Variants in PIEZO1 observed in about 807,000 individuals in gnomAD.
PIEZO1 encodes the protein piezo-type mechanosensitive ion channel component 1.
PIEZO1 carries 296 observed loss-of-function variants against 297.2 expected under a neutral mutation model. The observed-to-expected ratio is 1.00, with a 90% confidence interval of 0.91 to 1.10. The LOEUF is 1.10. Among genes scored for constraint, PIEZO1 ranks in the 50% least tolerant of loss-of-function variants. PIEZO1 has a pLI of 0.00. For synonymous variants in PIEZO1, 2,427 were observed against 1,507.5 expected (o/e 1.61, Z -14.13); for missense variants, 5,018 against 3,455.5 (o/e 1.45, Z -11.34).
intron 15 of PIEZO1, 27 bp downstream of exon 15, chr16:88,734,623 T>A: frequency 6.5e-7 from 1 of 1,549,728 alleles, no homozygotes; most frequent in Non-Finnish European, 8.7e-7. Context: ...TCGGCGCCCC[T>A]GCCCCACCGC....
chr16:88,721,405 T>C lies in PIEZO1; in HGVS notation c.5429A>G (p.Glu1810Gly). ...GTCATGCTCCTTGGATGGTGAGTCC[T>C]CCTCATGGTCCCAGAGGCCATAGCA... is the stretch of plus-strand genomic sequence containing the variant. ...LLCYGLWDHE[E>G]DSPSKEHDKS... Residue 1810 changes from glutamate to glycine, a missense_variant, in exon 39 of 51, where the codon GAG becomes GGG. By Grantham distance (98) the Glu-to-Gly change is moderately conservative (BLOSUM62 -2). Coordinates refer to ENST00000301015, the MANE Select transcript of PIEZO1 (RefSeq NM_001142864.4). The C allele has an allele frequency of 6.5e-7, 1 of 1,549,696 alleles. No homozygotes were observed. Among genetic ancestry groups the C allele is most frequent in the Non-Finnish European group, 8.7e-7 (1 of 1,146,634 alleles).
chr16:88,721,010 G>A (rs1360445707), intron 39 of PIEZO1, among the ~76,000 whole-genome samples, 156 bp downstream of exon 39: 1 of 152,152 alleles, frequency 6.6e-6, no homozygotes, highest in African/African-American at 2.4e-5. Flanking sequence ...GGCTCTGTAG[G>A]CAGAGCCGGG....
chr16:88,784,967 C>G lies in PIEZO1; in HGVS notation c.-3G>C. On this transcript the variant is annotated 5_prime_UTR_variant, in exon 1 of 51. Transcript: ENST00000301015. ...GCGCCGAGCACGTGCGGCTCCATGG[C>G]TGGAGGGCCCAGGGCCCGGCCCAGA... The G allele has an allele frequency of 7.3e-7, 1 of 1,363,088 alleles. No individual in the cohort carries two copies. Among genetic ancestry groups the G allele is most frequent in the Non-Finnish European group, 9.5e-7 (1 of 1,048,758 alleles). The allele number at this position is 1,363,088 out of a possible 1,614,324, so 84.4% of individuals were successfully genotyped here. A position where few individuals can be genotyped will look rare whatever the true frequency, so the allele number is the denominator to read the frequency against.
chr16:88,722,576 C>A lies in PIEZO1; in HGVS notation c.4775+7G>T. ...GCAGCTGGGGCTCGGGTCACCCCCG[C>A]ACCTACCTGGACACGGTGCTTGGGG... On this transcript the variant is annotated splice_region_variant and intron_variant, in intron 35 of 50. Transcript: ENST00000301015. 1 of 1,521,688 alleles carries A rather than the reference C, an allele frequency of 6.6e-7. No individual in the cohort carries two copies. The allele number at this position is 1,521,688 out of a possible 1,614,324, so 94.3% of individuals were successfully genotyped here.
At chr16:88,764,278 C>T (rs544625205) in intron 1 of PIEZO1, among the ~76,000 whole-genome samples, 8 of 152,178 alleles carry the variant, frequency 5.3e-5, no homozygotes, top group Non-Finnish European at 1.0e-4. Context: ...CGTGGCAATG[C>T]CCTCCCGGCG....
chr16:88,720,787 G>C, intron 39 of PIEZO1, 39 bp from the exon 40 acceptor site: 2 of 1,452,566 alleles, frequency 1.4e-6, no homozygotes, highest in Non-Finnish European at 1.8e-6. Flanking sequence ...GCCCCCTGGG[G>C]ACTGGGCCTG....
chr16:88,752,955 G>T (rs1218617488), intron 1 of PIEZO1, among the ~76,000 whole-genome samples: 1 of 151,982 alleles, frequency 6.6e-6, no homozygotes, highest in African/African-American at 2.4e-5. Flanking sequence ...TTGGTCTAGG[G>T]TCCGGGGACA....
chr16:88,725,866 A>G (rs1348288566), intron 27 of PIEZO1, 182 bp from the exon 28 acceptor site: 3 of 602,368 alleles, frequency 5.0e-6, no homozygotes, highest in African/African-American at 3.7e-5. Context: ...CGGCGAGGAC[A>G]GGCCCTTCTG....
intron 27 of PIEZO1, 197 bp downstream of exon 27, chr16:88,726,087 C>A: frequency 1.7e-6 from 1 of 599,068 alleles, no homozygotes. Context: ...TGGTCTCTGA[C>A]AGACCCAGCA....
intron 1 of PIEZO1, among the ~76,000 whole-genome samples, chr16:88,770,172 C>T (rs1378949700): frequency 2.6e-5 from 4 of 152,166 alleles, no homozygotes; most frequent in Non-Finnish European, 5.9e-5. Context: ...TCCCAAGCCT[C>T]GGTCTGTCGG....
rs548951594 is a variant in PIEZO1 at position 88,733,449 on chromosome 16, C to T, written c.2493G>A (p.Ser831=). 25 of 1,548,148 alleles carry T rather than the reference C, an allele frequency of 1.6e-5. No homozygotes were observed. Among genetic ancestry groups the T allele is most frequent in the African/African-American group, 4.1e-5 (3 of 72,878 alleles). ...GCACCACCAGCAGCAGGTTCATCAC[C>T]GACACCTGAGGGCAGTGGGCACGTG... The part of the protein sequence containing the change: ...YTVWVALKEV[S]VMNLLLVVLW... The change falls in exon 19 of 51, where the codon TCG becomes TCA. Residue 831 remains serine, a synonymous_variant. Transcript: ENST00000301015.
chr16:88,735,809 CAGG>C (rs1905171323), intron 12 of PIEZO1, among the ~76,000 whole-genome samples: 1 of 152,246 alleles, frequency 6.6e-6, no homozygotes, highest in African/African-American at 2.4e-5. Context: ...CACACACTGT[CAGG>C]GGCGCAGGGG....
rs35742404 is a variant in PIEZO1 at position 88,734,475 on chromosome 16, G to A, written c.2061C>T (p.Pro687=). ...GGATGCAGGCCAGGAGGAAGAAGCCGGGCACCAGGATGCTGGAGAAGAGCT... is the reference window on the plus strand; with the variant it reads ...GGATGCAGGCCAGGAGGAAGAAGCCAGGCACCAGGATGCTGGAGAAGAGCT... The part of the protein sequence containing the change: ...VSELFSSILV[P]GFFLLACILQ... The change falls in exon 16 of 51, where the codon CCC becomes CCT. Residue 687 remains proline (P), a synonymous_variant. Coordinates refer to ENST00000301015, the MANE Select transcript of PIEZO1 (RefSeq NM_001142864.4). 34 of 1,549,628 alleles carry A rather than the reference G, an allele frequency of 2.2e-5. No homozygotes were observed. Among genetic ancestry groups the A allele is most frequent in the South Asian group, 1.5e-4 (13 of 84,040 alleles).
At chr16:88,716,518 G>A in intron 47 of PIEZO1, 35 bp from the exon 48 acceptor site, 6 of 1,537,900 alleles carry the variant, frequency 3.9e-6, no homozygotes, top group Non-Finnish European at 5.3e-6. Flanking sequence ...CCACTGTAGT[G>A]GGTCCACCCA....
chr16:88,733,865 A>AG (rs1905037939), intron 17 of PIEZO1, 41 bp downstream of exon 17: 1 of 1,470,562 alleles, frequency 6.8e-7, no homozygotes, highest in South Asian at 1.4e-5. Flanking sequence ...GACATGGCAC[A>AG]GCAGACTGGG....
chr16:88,732,538 G>A lies in PIEZO1; in HGVS notation c.2791-3C>T, dbSNP rs955746447. The stretch of plus-strand genomic sequence containing the variant: ...AGCAGCAGCACTTGCAGGTGGTTCT[G>A]CGGAGGGCAAGGGTCAGGGGGCAGC... On this transcript the variant is annotated splice_region_variant and splice_polypyrimidine_tract_variant and intron_variant, in intron 20 of 50. Transcript: ENST00000301015. 6.5e-7 allele frequency: 1 copy of A among 1,545,998 alleles called. No individual in the cohort carries two copies. Among genetic ancestry groups the A allele is most frequent in the South Asian group, 1.2e-5 (1 of 83,936 alleles).
intron 2 of PIEZO1, chr16:88,742,818 A>G: frequency 2.9e-6 from 1 of 341,646 alleles, no homozygotes; most frequent in Non-Finnish European, 5.8e-6. Context: ...TGGGGGCTGC[A>G]GGTGGATGGA....
In PIEZO1 at chr16:88,735,160, C is replaced by G. The variant is rs1038354021; in HGVS notation, c.1644G>C (p.Leu548=). ...CTGTGTCTGCCACGGTGACCTCCGT[C>G]AGCGCAGCTGGAGACTCTGCCCACT... is the stretch of plus-strand genomic sequence containing the variant. ...LLKWAESPAA[L]TEVTVADTEP... is the part of the protein sequence containing the mutation. Residue 548 remains leucine, a synonymous_variant, in exon 13 of 51, where the codon CTG becomes CTC. Coordinates refer to ENST00000301015, the MANE Select transcript of PIEZO1 (RefSeq NM_001142864.4). 2.6e-6 allele frequency: 4 copies of G among 1,550,216 alleles called. No individual in the cohort carries two copies. Among genetic ancestry groups the G allele is most frequent in the Middle Eastern group, 1.7e-4 (1 of 6,014 alleles).
At position 88,722,921 on chromosome 16, in the gene PIEZO1, C is replaced by A. The variant is rs1271299873; in HGVS notation, c.4584G>T (p.Trp1528Cys). 3 of 1,549,328 alleles carry A rather than the reference C, an allele frequency of 1.9e-6. No homozygotes were observed. Among genetic ancestry groups the A allele is most frequent in the East Asian group, 4.9e-5 (2 of 40,934 alleles). The change falls in exon 34 of 51, where the codon TGG becomes TGT. Residue 1528 changes from tryptophan (W) to cysteine (C), a missense_variant. Transcript: ENST00000301015. ...CGTGGTGCCGGGTGAACTCCTGCAGCCAGCGTGTCAGCTCATCCACTAGCG... is the reference window on the plus strand; with the variant it reads ...CGTGGTGCCGGGTGAACTCCTGCAGACAGCGTGTCAGCTCATCCACTAGCG... ...GQALVDELTR[W>C]LQEFTRHHGT...
Sources: allele counts gnomAD v4.1 joint callset (sites outside exome capture counted in the v4.1 genomes callset), GRCh38; gene constraint gnomAD v4.1.1; transcripts MANE v1.5; gene names NCBI Gene and HGNC (gene_info 2026-07-23, HGNC 2026-07-21).